BMP7: variants seen among roughly 807,000 people sequenced by gnomAD.
The protein encoded by BMP7 is bone morphogenetic protein 7, also known as osteogenic protein 1.
BMP7 carries 12 observed loss-of-function variants against 41.2 expected under a neutral mutation model. The observed-to-expected ratio is 0.29, with a 90% CI of 0.19 to 0.47. BMP7 has a LOEUF of 0.47. Among genes scored for constraint, BMP7 ranks in the 20% least tolerant of loss-of-function variants. The pLI is 0.99. For missense variants in BMP7, 467 were observed against 606.0 expected, an observed-to-expected ratio of 0.77 and a Z score of 2.41; for synonymous variants, 248 against 250.0, an observed-to-expected ratio of 0.99 and a Z score of 0.07.
rs1983784496 is a variant in BMP7, at chr20:57,170,234, A to G, written c.*725T>C. The G allele has an allele frequency of 6.5e-6, 1 of 154,018 alleles. No homozygotes were observed. The highest frequency in any genetic ancestry group is 1.4e-5 in the Non-Finnish European group (1 of 69,436). The allele number at this position is 154,018 out of a possible 1,614,324, so 9.5% of individuals were successfully genotyped here. On this transcript the variant is annotated 3_prime_UTR_variant, in exon 7 of 7. Transcript: ENST00000395863. Reference sequence around the variant, plus strand: ...TTTCTGCCACGGCAAATCCAGCTGAACAACAGAACATATTTTTCCTCCAAA... The same window carrying G: ...TTTCTGCCACGGCAAATCCAGCTGAGCAACAGAACATATTTTTCCTCCAAA...
intron 3 of BMP7, among the ~76,000 whole-genome samples, chr20:57,189,996 G>T (rs1200765220): frequency 1.3e-5 from 2 of 152,252 alleles, no homozygotes; most frequent in Non-Finnish European, 2.9e-5. Context: ...GAGGTTTTGG[G>T]GAGGAAATGT....
intron 3 of BMP7, among the ~76,000 whole-genome samples, chr20:57,190,253 G>C (rs1211822228): frequency 2.7e-5 from 4 of 150,140 alleles, no homozygotes; most frequent in African/African-American, 7.5e-5. Context: ...CGAGGAACCA[G>C]AGGAGGTGAG....
rs773408240 is a variant in BMP7, at chr20:57,173,266, C to G, written c.1080G>C (p.Glu360Asp). 16 of 1,614,108 alleles carry G rather than the reference C, an allele frequency of 9.9e-6. No individual in the cohort carries two copies. The highest frequency in any genetic ancestry group is 5.5e-5 in the South Asian group (5 of 91,094). Residue 360 changes from glutamate (E) to aspartate (D), a missense_variant, in exon 6 of 7, where the codon GAG becomes GAC. Glu to Asp is a conservative substitution (Grantham distance 45). Around this residue, in one of 2 missense-constraint regions of BMP7, gnomAD observed 60 missense variants for 120.1 expected, o/e 0.50. Transcript: ENST00000395863. Reference sequence around the variant, plus strand: ...AGTTCAGAGGGAAGGCACACTCCCCCTCACAGTAGTAGGCGGCGTAGCCTT... The same window carrying G: ...AGTTCAGAGGGAAGGCACACTCCCCGTCACAGTAGTAGGCGGCGTAGCCTT... Reference protein sequence around the residue: ...APEGYAAYYCEGECAFPLNSY... With the variant: ...APEGYAAYYCDGECAFPLNSY...
At chr20:57,186,647 GC>G (rs948594966) in intron 3 of BMP7, among the ~76,000 whole-genome samples, 4 of 152,138 alleles carry the variant, frequency 2.6e-5, no homozygotes, top group Admixed American at 2.6e-4. Context: ...CAGATACGGT[GC>G]CCCCAAGTTA....
At chr20:57,264,844 T>C (rs1181692283) in intron 1 of BMP7, among the ~76,000 whole-genome samples, 1 of 151,866 alleles carries the variant, frequency 6.6e-6, no homozygotes, top group Non-Finnish European at 1.5e-5. Flanking sequence ...CCAGCCTGCC[T>C]AACATGGAGA....
At position 57,202,562 on chromosome 20, in the gene BMP7, C is replaced by T; in HGVS notation, c.673G>A (p.Val225Met). The T allele has an allele frequency of 6.2e-7, 1 of 1,612,262 alleles. No homozygotes were observed. The highest frequency in any genetic ancestry group is 1.1e-5 in the South Asian group (1 of 91,074). ...TLWASEEGWLVFDITATSNHW... is the reference protein window; with the variant it reads ...TLWASEEGWLMFDITATSNHW... ...TTGCTGGTGGCTGTGATGTCAAACACCAGCCAGCCCTCCTCCGAGGCCCAG... is the reference window on the plus strand; with the variant it reads ...TTGCTGGTGGCTGTGATGTCAAACATCAGCCAGCCCTCCTCCGAGGCCCAG... The change falls in exon 3 of 7, where the codon GTG becomes ATG. Residue 225 changes from valine to methionine, a missense_variant. Around this residue, in one of 2 missense-constraint regions of BMP7, gnomAD observed 407 missense variants for 485.9 expected, o/e 0.84. Transcript: ENST00000395863.
At chr20:57,202,720 G>GT in intron 2 of BMP7, 97 bp from the exon 3 acceptor site, 2 of 573,232 alleles carry the variant, frequency 3.5e-6, no homozygotes, top group Non-Finnish European at 6.0e-6. Context: ...GGTGGGAGGG[G>GT]AGGGAAAGAG....
chr20:57,181,244 C>T (rs113619438), intron 4 of BMP7, among the ~76,000 whole-genome samples: 62 of 152,272 alleles, frequency 4.1e-4, no homozygotes, highest in Middle Eastern at 3.4e-3. Flanking sequence ...GTAGCTCATG[C>T]CTGTAATCTC....
chr20:57,263,296 G>T (rs1306283972), intron 1 of BMP7, among the ~76,000 whole-genome samples: 1 of 152,220 alleles, frequency 6.6e-6, no homozygotes, highest in Non-Finnish European at 1.5e-5. Context: ...GCCGGTCTTT[G>T]TCCTTTCAAG....
At chr20:57,205,743 C>A (rs974249425) in intron 2 of BMP7, among the ~76,000 whole-genome samples, 1 of 152,154 alleles carries the variant, frequency 6.6e-6, no homozygotes, top group African/African-American at 2.4e-5. Flanking sequence ...ACAGAGAACG[C>A]CTCGCCAAAC....
intron 1 of BMP7, among the ~76,000 whole-genome samples, chr20:57,264,428 G>T (rs1600649988): frequency 6.6e-6 from 1 of 152,242 alleles, no homozygotes; most frequent in African/African-American, 2.4e-5. Flanking sequence ...GTGTTATCTC[G>T]GAAACCAAAT....
intron 4 of BMP7, among the ~76,000 whole-genome samples, chr20:57,179,085 C>T (rs775388622): frequency 6.6e-6 from 1 of 152,214 alleles, no homozygotes; most frequent in Non-Finnish European, 1.5e-5. Context: ...ACGAGTGAGG[C>T]GTGGGCACTG....
chr20:57,233,477 G>A (rs979595422), intron 1 of BMP7, among the ~76,000 whole-genome samples: 2 of 152,310 alleles, frequency 1.3e-5, no homozygotes, highest in Admixed American at 6.5e-5. Context: ...CCTAAGAGGG[G>A]AAATTCTGGG....
chr20:57,244,402 C>T (rs747901269), intron 1 of BMP7, among the ~76,000 whole-genome samples: 3 of 152,210 alleles, frequency 2.0e-5, no homozygotes, highest in Non-Finnish European at 2.9e-5. Flanking sequence ...GCAGCTTCTC[C>T]GGAGACTTAG....
intron 2 of BMP7, among the ~76,000 whole-genome samples, chr20:57,220,012 G>A (rs952876885): frequency 2.6e-5 from 4 of 152,208 alleles, no homozygotes; most frequent in African/African-American, 9.6e-5. Context: ...GGGAGGGAAA[G>A]GGATCCATTA....
At chr20:57,235,292 G>A (rs1303444177) in intron 1 of BMP7, among the ~76,000 whole-genome samples, 1 of 152,180 alleles carries the variant, frequency 6.6e-6, no homozygotes, top group Non-Finnish European at 1.5e-5. Context: ...CCATTGGAGA[G>A]TTTACAGTTT....
intron 4 of BMP7, 146 bp downstream of exon 4, chr20:57,183,576 G>C: frequency 2.0e-6 from 2 of 1,024,716 alleles, no homozygotes; most frequent in Non-Finnish European, 2.9e-6. Context: ...TGTAGGGGTG[G>C]ATTTGGGGGT....
At chr20:57,173,748 C>T (rs1015658048) in intron 5 of BMP7, among the ~76,000 whole-genome samples, 3 of 152,110 alleles carry the variant, frequency 2.0e-5, no homozygotes, top group Non-Finnish European at 2.9e-5. Context: ...GAAGGAGCCT[C>T]CGGTGTGAGG....
chr20:57,244,394 A>G (rs2066081406), intron 1 of BMP7, among the ~76,000 whole-genome samples: 1 of 152,216 alleles, frequency 6.6e-6, no homozygotes, highest in African/African-American at 2.4e-5. Flanking sequence ...GGCACTCAGC[A>G]GCTTCTCCGG....
Sources: allele counts gnomAD v4.1 joint callset (sites outside exome capture counted in the v4.1 genomes callset), GRCh38; gene constraint gnomAD v4.1.1; regional missense constraint gnomAD v4.1.1; transcripts MANE v1.5; gene names NCBI Gene and HGNC (gene_info 2026-07-23, HGNC 2026-07-21).